The following LYPD6 variants were observed in gnomAD, a reference collection of about 807,000 sequenced individuals.
LYPD6 encodes LY6/PLAUR domain containing 6, also known as ly6/PLAUR domain-containing protein 6.
Under a neutral mutation model 22.7 loss-of-function variants are expected in LYPD6, and 15 were observed. The observed-to-expected ratio is 0.66, with a 90% confidence interval of 0.44 to 1.02. LYPD6 has a LOEUF of 1.02. Among genes scored for constraint, LYPD6 ranks in the 50% least tolerant of loss-of-function variants. The pLI, the probability that LYPD6 is intolerant of heterozygous loss-of-function variation, is 0.00. For missense variants in LYPD6, 189 were observed against 208.4 expected (o/e 0.91, Z 0.57); for synonymous variants, 72 against 77.5 (o/e 0.93, Z 0.37).
intron 1 of LYPD6, among the ~76,000 whole-genome samples, chr2:149,437,072 A>T (rs1342904931): frequency 6.6e-6 from 1 of 152,204 alleles, no homozygotes; most frequent in Non-Finnish European, 1.5e-5. Flanking sequence ...ATAAATGGAT[A>T]TACATAAAGG....
chr2:149,383,272 G>A (rs1207059174), intron 1 of LYPD6, among the ~76,000 whole-genome samples: 2 of 152,086 alleles, frequency 1.3e-5, no homozygotes, highest in East Asian at 3.8e-4. Flanking sequence ...CAGTAAAAAT[G>A]TTTTGGGTCA....
chr2:149,419,348 C>A (rs948918097), intron 1 of LYPD6, among the ~76,000 whole-genome samples: 3 of 152,166 alleles, frequency 2.0e-5, no homozygotes, highest in African/African-American at 7.2e-5. Flanking sequence ...TTCTTCTTCA[C>A]CCTACTCCTA....
chr2:149,466,958 CGA>C (rs1224190448), intron 3 of LYPD6, among the ~76,000 whole-genome samples: 1 of 152,072 alleles, frequency 6.6e-6, no homozygotes, highest in East Asian at 1.9e-4. Flanking sequence ...AAACGTCCAT[CGA>C]GTCTGATACC....
downstream of LYPD6, among the ~76,000 whole-genome samples, chr2:149,474,906 T>C (rs981539928): frequency 6.6e-6 from 1 of 152,094 alleles, no homozygotes; most frequent in Non-Finnish European, 1.5e-5. Flanking sequence ...GTAGCTGGGA[T>C]TACAGGTGTC....
Position 149,420,813 on chromosome 2 carries a change from G to A in LYPD6, c.-71-16825G>A, listed in dbSNP as rs575537816. Among the ~76,000 whole-genome samples the A allele has an allele frequency of 6.6e-5, 10 of 152,272 alleles. No individual in the cohort carries two copies. In the South Asian group the frequency reaches 1.0e-3, roughly 16 times the overall value. On this transcript the variant is annotated intron_variant, in intron 1 of 4. Transcript: ENST00000334166. Reference sequence around the variant, plus strand: ...CTGCTAAGAGCCCCTTAACTGAGCCGTGTGGAGAACTTCTCAGTGCTGTTT... The same window carrying A: ...CTGCTAAGAGCCCCTTAACTGAGCCATGTGGAGAACTTCTCAGTGCTGTTT...
chr2:149,449,391 G>A (rs1683760354), intron 3 of LYPD6, among the ~76,000 whole-genome samples: 1 of 152,092 alleles, frequency 6.6e-6, no homozygotes, highest in African/African-American at 2.4e-5. Context: ...TGATACCTTC[G>A]CCTGTACCCC....
chr2:149,485,846 T>C, the LYPD6 span, among the ~76,000 whole-genome samples: 1,687 of 152,202 alleles, frequency 0.011, 34 homozygotes, highest in African/African-American at 0.038. Context: ...GGAAGCACAA[T>C]ATGGAGCCAG....
chr2:149,348,078 A>G (rs993739332), intron 1 of LYPD6, among the ~76,000 whole-genome samples: 2 of 150,916 alleles, frequency 1.3e-5, no homozygotes, highest in African/African-American at 4.9e-5. Context: ...AAAAAAAAAA[A>G]AAAAAAAGAG....
chr2:149,346,539 T>C (rs1681259873), intron 1 of LYPD6, among the ~76,000 whole-genome samples: 1 of 152,232 alleles, frequency 6.6e-6, no homozygotes. Context: ...GTCTTCTACA[T>C]AACCTTCAAG....
chr2:149,461,996 T>A (rs1023287324), intron 3 of LYPD6, among the ~76,000 whole-genome samples: 33 of 152,074 alleles, frequency 2.2e-4, no homozygotes, highest in African/African-American at 7.7e-4. Context: ...TAGGCAATTA[T>A]GTCTGCTTTC....
chr2:149,356,345 A>G (rs181917479), intron 1 of LYPD6, among the ~76,000 whole-genome samples: 2 of 152,186 alleles, frequency 1.3e-5, no homozygotes, highest in East Asian at 1.9e-4. Context: ...ACATTGTACA[A>G]AGTTGTCATT....
chr2:149,441,013 C>T (rs995340325), intron 2 of LYPD6, among the ~76,000 whole-genome samples: 6 of 152,050 alleles, frequency 3.9e-5, no homozygotes, highest in Admixed American at 1.3e-4. Context: ...CCTATTCTGT[C>T]CACTTTTAAA....
At chr2:149,403,358 G>A (rs1682608595) in intron 1 of LYPD6, among the ~76,000 whole-genome samples, 2 of 150,544 alleles carry the variant, frequency 1.3e-5, no homozygotes, top group Non-Finnish European at 3.0e-5. Context: ...CAGTGTAAAA[G>A]TGTTCCTATT....
rs574893183 is a variant in LYPD6 at position 149,331,270 on chromosome 2, C to G, written c.-72+548C>G. On this transcript the variant is annotated intron_variant, in intron 1 of 4. Transcript: ENST00000334166. ...GCCTTTCAGCCATCCACCCCGACAACCCAGGGAAGGGACCATCCACCCACA... is the reference window on the plus strand; with the variant it reads ...GCCTTTCAGCCATCCACCCCGACAAGCCAGGGAAGGGACCATCCACCCACA... Among the ~76,000 whole-genome samples the G allele has an allele frequency of 2.3e-3, 348 of 152,324 alleles. 1 individual carries two copies. The highest frequency in any genetic ancestry group is 7.7e-3 in the African/African-American group (320 of 41,584).
chr2:149,457,013 A>G (rs1680972674), intron 3 of LYPD6, among the ~76,000 whole-genome samples: 1 of 152,202 alleles, frequency 6.6e-6, no homozygotes, highest in South Asian at 2.1e-4. Flanking sequence ...TAATTTATTC[A>G]TTCTGTCGCT....
At chr2:149,442,585 A>G in intron 2 of LYPD6, among the ~76,000 whole-genome samples, 1 of 151,966 alleles carries the variant, frequency 6.6e-6, no homozygotes, top group East Asian at 1.9e-4. Context: ...TTGCTCTACA[A>G]TGCTTTGAAG....
At chr2:149,348,166 G>A (rs1681294318) in intron 1 of LYPD6, among the ~76,000 whole-genome samples, 3 of 150,750 alleles carry the variant, frequency 2.0e-5, no homozygotes, top group Non-Finnish European at 4.4e-5. Flanking sequence ...GGGCCAACTT[G>A]TGCCAATCAT....
chr2:149,370,878 T>C lies in LYPD6; in HGVS notation c.-72+40156T>C, dbSNP rs529973353. Reference sequence around the variant, plus strand: ...AGGAGGGTGAAGCAGGATAATTGCTTGAGCCTAGGACTTCGAAGTTACGTA... The same window carrying C: ...AGGAGGGTGAAGCAGGATAATTGCTCGAGCCTAGGACTTCGAAGTTACGTA... On this transcript the variant is annotated intron_variant, in intron 1 of 4. Transcript: ENST00000334166. Among the ~76,000 whole-genome samples the C allele has an allele frequency of 2.0e-5, 3 of 152,302 alleles. No homozygotes were observed. The East Asian group carries it at 5.8e-4, about 29-fold the overall frequency.
At chr2:149,421,389 CAAAAAAA>C (rs771199025) in intron 1 of LYPD6, among the ~76,000 whole-genome samples, 4 of 67,400 alleles carry the variant, frequency 5.9e-5, no homozygotes, top group Admixed American at 1.7e-4. Context: ...GACTCCATCT[CAAAAAAA>C]AAAAAAAAAA....
Sources: allele counts gnomAD v4.1 joint callset (sites outside exome capture counted in the v4.1 genomes callset), GRCh38; gene constraint gnomAD v4.1.1; transcripts MANE v1.5; gene names NCBI Gene and HGNC (gene_info 2026-07-23, HGNC 2026-07-21).